LIPN: variants seen among roughly 807,000 people sequenced by gnomAD.
LIPN encodes the protein lipase member N.
A neutral mutation model predicts 43.7 loss-of-function variants in LIPN; 32 were observed. That is an observed-to-expected ratio of 0.73 (90% CI 0.55 to 0.98). The LOEUF is 0.98. Among genes scored for constraint, LIPN ranks in the 50% least tolerant of loss-of-function variants. The pLI is 0.00. For synonymous variants in LIPN, 156 were observed against 157.6 expected (o/e 0.99, Z 0.08); for missense variants, 505 against 483.8 (o/e 1.04, Z -0.41).
Position 88,766,318 on chromosome 10 carries a change from G to A in LIPN, c.475G>A (p.Val159Ile), listed in dbSNP as rs747688511. ...TCTCCCAGGAGTAATAGACTTCATT[G>A]TAAATAAAACTGGTCAGGAGAAATT... ...YDLPGVIDFIVNKTGQEKLYF... is the reference protein window; with the variant it reads ...YDLPGVIDFIINKTGQEKLYF... The change falls in exon 5 of 10, where the codon GTA becomes ATA. Residue 159 changes from valine (V) to isoleucine (I), a missense_variant. Coordinates refer to ENST00000404459, the MANE Select transcript of LIPN (RefSeq NM_001102469.2). 6.2e-7 allele frequency: 1 copy of A among 1,610,236 alleles called. No homozygotes were observed. The highest frequency in any genetic ancestry group is 1.3e-5 in the African/African-American group (1 of 74,794).
At position 88,761,774 on chromosome 10, in the gene LIPN, TC is replaced by T. The variant is rs1205693589; in HGVS notation, c.108+262del. On this transcript the variant is annotated intron_variant, in intron 2 of 9. Transcript: ENST00000404459. Reference sequence around the variant, plus strand: ...ATCTATCTATCTATGTATCTATCTATCTATTTATCTATCTATCTATCTATCT... The same window carrying T: ...ATCTATCTATCTATGTATCTATCTATTATTTATCTATCTATCTATCTATCT... Among the ~76,000 whole-genome samples, 124 of 81,154 alleles carry T rather than the reference TC, an allele frequency of 1.5e-3. 1 individual carries two copies. Among genetic ancestry groups the T allele is most frequent in the African/African-American group, 9.7e-3 (119 of 12,260 alleles). 53.2% of individuals were successfully genotyped at this position (81,154 alleles called of 152,430 possible).
At chr10:88,758,050 C>T (rs1234985734), upstream of LIPN, among the ~76,000 whole-genome samples, 1 of 151,794 alleles carries the variant, frequency 6.6e-6, no homozygotes, top group African/African-American at 2.4e-5. Flanking sequence ...GAGTTATTTT[C>T]AAGAGAAAAT....
intron 3 of LIPN, 53 bp from the exon 4 acceptor site, chr10:88,764,355 TTC>T (rs1187959869): frequency 6.0e-4 from 799 of 1,328,484 alleles, no homozygotes; most frequent in Non-Finnish European, 7.0e-4. Context: ...CTCTCACTCT[TTC>T]TCTCTCTCTC....
intron 5 of LIPN, among the ~76,000 whole-genome samples, chr10:88,768,055 CA>C (rs1564581933): frequency 5.5e-5 from 8 of 144,206 alleles, no homozygotes. Flanking sequence ...CACACACACA[CA>C]CACACATGCC....
Position 88,761,484 on chromosome 10 carries a change from G to T in LIPN, c.79G>T (p.Glu27Ter), listed in dbSNP as rs1161760546. ...NAGGFLDLEN[E>*]VNPEVWMNTS... The stretch of plus-strand genomic sequence containing the variant: ...TGGTGGATTCCTTGATTTGGAAAAT[G>T]AAGTGAATCCTGAGGTGTGGATGAA... The change falls in exon 2 of 10, where the codon GAA becomes TAA. Residue 27 changes from glutamate to a stop codon, truncating the protein, a stop_gained. Coordinates refer to ENST00000404459, the MANE Select transcript of LIPN (RefSeq NM_001102469.2). LOFTEE classifies it high-confidence loss of function. 2 of 1,611,802 alleles carry T rather than the reference G, an allele frequency of 1.2e-6. No individual in the cohort carries two copies. The highest frequency in any genetic ancestry group is 1.7e-6 in the Non-Finnish European group (2 of 1,178,596).
chr10:88,764,923 T>C (rs1025745580), intron 4 of LIPN, among the ~76,000 whole-genome samples: 4 of 151,994 alleles, frequency 2.6e-5, no homozygotes, highest in Non-Finnish European at 5.9e-5. Flanking sequence ...GTTTACTGAG[T>C]GGCTACTGTA....
upstream of LIPN, among the ~76,000 whole-genome samples, chr10:88,758,492 T>C (rs1169720148): frequency 6.7e-6 from 1 of 149,978 alleles, no homozygotes; most frequent in East Asian, 1.9e-4. Context: ...TTGAAATATA[T>C]AATAGAAATA....
At chr10:88,758,610 TACTC>T (rs1393498949), upstream of LIPN, among the ~76,000 whole-genome samples, 4 of 149,706 alleles carry the variant, frequency 2.7e-5, no homozygotes, top group South Asian at 2.1e-4. Context: ...AAATATATAA[TACTC>T]AGTAATATAT....
Position 88,770,935 on chromosome 10 carries a change from A to G in LIPN, c.763A>G (p.Ile255Val). 1.9e-6 allele frequency: 3 copies of G among 1,562,750 alleles called. No individual in the cohort carries two copies. Among genetic ancestry groups the G allele is most frequent in the Non-Finnish European group, 2.6e-6 (3 of 1,151,314 alleles). Residue 255 changes from isoleucine to valine, a missense_variant, in exon 7 of 10, where the codon ATA becomes GTA. By Grantham distance (29) the Ile-to-Val change is conservative. Transcript: ENST00000404459. ...CTGCAACAATAAGATACTCTGGTTG[A>G]TATGTAGCGAATTTATGTCCTTATG... ...KICNNKILWL[I>V]CSEFMSLWAG... is the part of the protein sequence containing the mutation.
intron 9 of LIPN, among the ~76,000 whole-genome samples, chr10:88,776,213 A>G (rs1246489601): frequency 1.3e-5 from 2 of 152,012 alleles, no homozygotes; most frequent in African/African-American, 4.8e-5. Context: ...ATGCTTAGAA[A>G]AGGTCTAGAA....
At chr10:88,774,626 C>G in intron 8 of LIPN, 82 bp downstream of exon 8, 1 of 1,135,752 alleles carries the variant, frequency 8.8e-7, no homozygotes, top group Non-Finnish European at 1.3e-6. Flanking sequence ...GTTAACAGGC[C>G]TACCCTAAGA....
chr10:88,766,687 CCTCT>C (rs977973182), intron 5 of LIPN, among the ~76,000 whole-genome samples: 7 of 151,876 alleles, frequency 4.6e-5, no homozygotes, highest in Non-Finnish European at 1.0e-4. Flanking sequence ...TTCTAGATTC[CCTCT>C]GAGCTGAAAA....
At chr10:88,768,767 A>G (rs181074073) in intron 5 of LIPN, 25 bp from the exon 6 acceptor site, 1 of 1,598,586 alleles carries the variant, frequency 6.3e-7, no homozygotes, top group African/African-American at 1.3e-5. Flanking sequence ...TTTTTACAAG[A>G]TTGTCTTATC....
chr10:88,761,313 AT>A (rs1365903257), intron 1 of LIPN, 84 bp from the exon 2 acceptor site: 1 of 841,424 alleles, frequency 1.2e-6, no homozygotes, highest in Non-Finnish European at 2.0e-6. Flanking sequence ...TTCATTAATC[AT>A]TAATAATTTC....
chr10:88,757,402 G>A (rs896658039), upstream of LIPN, among the ~76,000 whole-genome samples: 3 of 152,064 alleles, frequency 2.0e-5, no homozygotes, highest in South Asian at 2.1e-4. Flanking sequence ...GACAGCTGCC[G>A]GCACTCTTGG....
In LIPN at chr10:88,770,835, A is replaced by G. The variant is rs558376850; in HGVS notation, c.673-10A>G. The G allele has an allele frequency of 2.1e-6, 3 of 1,435,842 alleles. No homozygotes were observed. The highest frequency in any genetic ancestry group is 2.5e-5 in the East Asian group (1 of 40,080). 88.9% of individuals were successfully genotyped at this position (1,435,842 alleles called of 1,614,324 possible). On this transcript the variant is annotated splice_polypyrimidine_tract_variant and intron_variant, in intron 6 of 9. Coordinates refer to ENST00000404459, the MANE Select transcript of LIPN (RefSeq NM_001102469.2). Reference sequence around the variant, plus strand: ...TCTCATTCAAAGATAATTATTATTTACTTTCATAGGCTGTTTTTGGTACCA... The same window carrying G: ...TCTCATTCAAAGATAATTATTATTTGCTTTCATAGGCTGTTTTTGGTACCA...
At chr10:88,761,783 C>CTATT (rs1564578489) in intron 2 of LIPN, among the ~76,000 whole-genome samples, 397 of 14,730 alleles carry the variant, frequency 0.027, 2 homozygotes, top group East Asian at 0.097. Context: ...ATCTATTTAT[C>CTATT]TATCTATCTA....
At chr10:88,765,587 A>G (rs1025431702) in intron 4 of LIPN, among the ~76,000 whole-genome samples, 5 of 151,926 alleles carry the variant, frequency 3.3e-5, no homozygotes, top group African/African-American at 1.2e-4. Context: ...TAAATGTTAT[A>G]TAGGCCCTTT....
At chr10:88,771,772 C>T (rs963881106) in intron 7 of LIPN, among the ~76,000 whole-genome samples, 3 of 151,002 alleles carry the variant, frequency 2.0e-5, no homozygotes, top group Admixed American at 1.3e-4. Context: ...ATAGACCTAG[C>T]ACTGGAATTG....
Sources: allele counts gnomAD v4.1 joint callset (sites outside exome capture counted in the v4.1 genomes callset), GRCh38; gene constraint gnomAD v4.1.1; transcripts MANE v1.5; gene names NCBI Gene and HGNC (gene_info 2026-07-23, HGNC 2026-07-21).